The following MTMR12 variants were observed in gnomAD, a reference collection of about 807,000 sequenced individuals.
MTMR12 encodes the protein myotubularin related protein 12.
In MTMR12, 33 loss-of-function variants were observed where a neutral mutation model predicts 96.7. The ratio of observed to expected loss-of-function variants is 0.34; its 90% CI spans 0.26 to 0.46. The LOEUF (loss-of-function observed/expected upper bound fraction) is 0.46, where lower values mean the gene tolerates loss of function less well. Ranked by LOEUF, MTMR12 falls within the 20% of genes least tolerant of loss-of-function variation. MTMR12 has a pLI of 1.00. For missense variants in MTMR12, 721 were observed against 896.1 expected, an observed-to-expected ratio of 0.80 and a Z score of 2.49; for synonymous variants, 298 against 327.2, an observed-to-expected ratio of 0.91 and a Z score of 0.96.
At position 32,305,820 on chromosome 5, in the gene MTMR12, T is replaced by G. The variant is rs975419289; in HGVS notation, c.81+6938A>C. Among the ~76,000 whole-genome samples, 9 of 152,000 alleles carry G rather than the reference T, an allele frequency of 5.9e-5. No individual in the cohort carries two copies. The East Asian group carries it at 1.7e-3, about 29-fold the overall frequency. On this transcript the variant is annotated intron_variant, in intron 1 of 15. Transcript: ENST00000382142. ...CGGGAGGCTGAGGCAGGAGAATTGC[T>G]TGAACCCGGGAGGCGGAGGCTGTGG...
intron 10 of MTMR12, among the ~76,000 whole-genome samples, chr5:32,244,297 A>C (rs926210769): frequency 6.6e-6 from 1 of 151,874 alleles, no homozygotes; most frequent in South Asian, 2.1e-4. Flanking sequence ...GAAAAGAAAA[A>C]AAAAAAAAAA....
intron 15 of MTMR12, 96 bp from the exon 16 acceptor site, chr5:32,230,443 A>T: frequency 1.7e-6 from 2 of 1,190,370 alleles, no homozygotes; most frequent in Admixed American, 4.7e-5. Context: ...CTGCTTTAAC[A>T]AGTTCCAAGA....
In MTMR12 at chr5:32,229,690, G is replaced by T; in HGVS notation, c.*88C>A. The T allele has an allele frequency of 7.6e-7, 1 of 1,319,204 alleles. No individual in the cohort carries two copies. The highest frequency in any genetic ancestry group is 1.0e-6 in the Non-Finnish European group (1 of 996,940). The allele number at this position is 1,319,204 out of a possible 1,614,324, so 81.7% of individuals were successfully genotyped here. A position where few individuals can be genotyped will look rare whatever the true frequency, so the allele number is the denominator to read the frequency against. On this transcript the variant is annotated 3_prime_UTR_variant, in exon 16 of 16. Coordinates refer to ENST00000382142, the MANE Select transcript of MTMR12 (RefSeq NM_001040446.3). The stretch of plus-strand genomic sequence containing the variant: ...AACGGAGTGCCGGGCTAAGGACCCA[G>T]CCAGCATGAGCTGTAGCGTGACACA...
intron 4 of MTMR12, among the ~76,000 whole-genome samples, chr5:32,271,237 T>C (rs915273884): frequency 9.9e-5 from 15 of 152,130 alleles, no homozygotes; most frequent in African/African-American, 3.4e-4. Flanking sequence ...ACTCTGAAAG[T>C]TGAGCTTATA....
chr5:32,257,153 C>T (rs1404532310), intron 7 of MTMR12, among the ~76,000 whole-genome samples: 4 of 151,924 alleles, frequency 2.6e-5, no homozygotes, highest in Admixed American at 1.3e-4. Flanking sequence ...CATAGTGAGA[C>T]CCCATCTCCA....
intron 12 of MTMR12, among the ~76,000 whole-genome samples, chr5:32,240,396 C>T (rs1210303043): frequency 1.8e-5 from 2 of 114,034 alleles, no homozygotes; most frequent in African/African-American, 6.5e-5. Context: ...GAGACTCCGT[C>T]TCAAAAAAAA....
intron 1 of MTMR12, among the ~76,000 whole-genome samples, chr5:32,293,478 C>T (rs1750816555): frequency 6.6e-6 from 1 of 152,168 alleles, no homozygotes; most frequent in African/African-American, 2.4e-5. Flanking sequence ...GACTGGCTCT[C>T]CTTGCTCCTC....
intron 1 of MTMR12, among the ~76,000 whole-genome samples, chr5:32,293,047 C>T (rs1384779063): frequency 1.3e-5 from 2 of 152,018 alleles, no homozygotes; most frequent in Non-Finnish European, 2.9e-5. Context: ...TGGTGAGTTT[C>T]CAGTTGTATG....
intron 1 of MTMR12, among the ~76,000 whole-genome samples, chr5:32,286,271 G>A (rs1750536638): frequency 6.6e-6 from 1 of 152,190 alleles, no homozygotes; most frequent in Non-Finnish European, 1.5e-5. Flanking sequence ...ACCTCAGGAG[G>A]TGGAGGCTGC....
At chr5:32,293,326 T>C (rs1416894120) in intron 1 of MTMR12, among the ~76,000 whole-genome samples, 2 of 152,044 alleles carry the variant, frequency 1.3e-5, no homozygotes, top group Non-Finnish European at 2.9e-5. Context: ...CACAGTCTAA[T>C]CAGCTACCAG....
intron 1 of MTMR12, among the ~76,000 whole-genome samples, chr5:32,307,289 A>G (rs1415071377): frequency 6.6e-6 from 1 of 152,104 alleles, no homozygotes; most frequent in Non-Finnish European, 1.5e-5. Context: ...AGAAAGATGG[A>G]TTTGGTACCC....
intron 4 of MTMR12, 55 bp downstream of exon 4, chr5:32,271,774 ATCAT>A (rs1749842856): frequency 1.0e-6 from 1 of 965,162 alleles, no homozygotes; most frequent in African/African-American, 1.7e-5. Context: ...AAATATTATT[ATCAT>A]TATCACCTAT....
chr5:32,252,018 G>T (rs189989810), intron 8 of MTMR12, among the ~76,000 whole-genome samples: 1 of 152,180 alleles, frequency 6.6e-6, no homozygotes, highest in Non-Finnish European at 1.5e-5. Context: ...ACTGCTGGGC[G>T]GGACAAAGCA....
chr5:32,273,899 C>A, intron 3 of MTMR12, 81 bp downstream of exon 3: 1 of 1,577,602 alleles, frequency 6.3e-7, no homozygotes. Flanking sequence ...GGTAGAGTAA[C>A]TGAGAAGCTG....
chr5:32,300,337 T>C (rs1212405690), intron 1 of MTMR12, among the ~76,000 whole-genome samples: 1 of 152,108 alleles, frequency 6.6e-6, no homozygotes, highest in Non-Finnish European at 1.5e-5. Flanking sequence ...ACGTTACAGG[T>C]AAGAAAAGGA....
intron 1 of MTMR12, among the ~76,000 whole-genome samples, chr5:32,298,189 G>A (rs1266776975): frequency 6.6e-6 from 1 of 152,230 alleles, no homozygotes; most frequent in African/African-American, 2.4e-5. Context: ...GCAGTGGGAA[G>A]TGGAGAGGCC....
chr5:32,288,036 T>C (rs1750608914), intron 1 of MTMR12, among the ~76,000 whole-genome samples: 1 of 152,086 alleles, frequency 6.6e-6, no homozygotes. Context: ...GAGTCTTATC[T>C]CTGGCAGAGA....
rs1748101285 is a variant in MTMR12 at position 32,233,815 on chromosome 5, C to G, written c.1632G>C (p.Lys544Asn). Residue 544 changes from lysine (K) to asparagine (N), a missense_variant, in exon 15 of 16, where the codon AAG becomes AAC. Physicochemically the swap from Lys to Asn is moderately conservative, Grantham distance 94. Transcript: ENST00000382142. The surrounding 1 kb of genome is among the most constrained non-coding windows in gnomAD (Gnocchi z 5.0). ...TLLKNPLYVEKPKLDKGQRKG... is the reference protein window; with the variant it reads ...TLLKNPLYVENPKLDKGQRKG... ...TCCGTTGGCCTTTGTCCAGTTTTGGCTTTTCCACATAAAGAGGGTTTTTGA... is the reference window on the plus strand; with the variant it reads ...TCCGTTGGCCTTTGTCCAGTTTTGGGTTTTCCACATAAAGAGGGTTTTTGA... The G allele has an allele frequency of 6.2e-7, 1 of 1,614,174 alleles. No individual in the cohort carries two copies.
chr5:32,288,519 T>G (rs1405212078), intron 1 of MTMR12, among the ~76,000 whole-genome samples: 1 of 152,134 alleles, frequency 6.6e-6, no homozygotes, highest in African/African-American at 2.4e-5. Context: ...CTGTGGCACG[T>G]GATGAGGTGC....
Sources: allele counts gnomAD v4.1 joint callset (sites outside exome capture counted in the v4.1 genomes callset), GRCh38; gene constraint gnomAD v4.1.1; non-coding constraint Gnocchi (gnomAD v3.1); transcripts MANE v1.5; gene names NCBI Gene and HGNC (gene_info 2026-07-23, HGNC 2026-07-21).